The following LLGL2 variants were observed in gnomAD, a reference collection of about 807,000 sequenced individuals.
The protein encoded by LLGL2 is LLGL scribble cell polarity complex component 2.
A neutral mutation model predicts 123.2 loss-of-function variants in LLGL2; 81 were observed. That is an observed-to-expected ratio of 0.66 (90% CI 0.55 to 0.79). The LOEUF (loss-of-function observed/expected upper bound fraction) is 0.79. Ranked by LOEUF, LLGL2 falls within the 30% of genes least tolerant of loss-of-function variation. LLGL2 has a pLI of 0.00. For missense variants in LLGL2, 1,273 were observed against 1,414.6 expected, an observed-to-expected ratio of 0.90 and a Z score of 1.61; for synonymous variants, 577 against 594.1, an observed-to-expected ratio of 0.97 and a Z score of 0.42.
intron 1 of LLGL2, among the ~76,000 whole-genome samples, chr17:75,532,055 T>TACACACACACACACAC (rs10526094): frequency 0.057 from 5,319 of 93,494 alleles, 271 homozygotes; most frequent in Middle Eastern, 0.083. Context: ...TATGTATATA[T>TACACACACACACACAC]ACACACACAC....
rs988742283 is a variant in LLGL2, at chr17:75,570,081, G to A, written c.1700G>A (p.Arg567His). Residue 567 changes from arginine to histidine, a missense_variant, in exon 15 of 26, where the codon CGC becomes CAC. Physicochemically the swap from Arg to His is conservative, Grantham distance 29. Coordinates refer to ENST00000392550, the MANE Select transcript of LLGL2 (RefSeq NM_001031803.2). ...AAGGGGCACGAGCGCCTGGCAGCCC[G>A]CTCAGGGCCCGTGCGCTTTGAGCCT... is the stretch of plus-strand genomic sequence containing the variant. ...RWKGHERLAA[R>H]SGPVRFEPGF... 1.3e-5 allele frequency: 21 copies of A among 1,611,498 alleles called. No homozygotes were observed. Among genetic ancestry groups the A allele is most frequent in the South Asian group, 7.7e-5 (7 of 90,884 alleles).
intron 10 of LLGL2, among the ~76,000 whole-genome samples, chr17:75,565,913 G>A (rs1212288666): frequency 2.0e-5 from 3 of 152,200 alleles, no homozygotes; most frequent in Non-Finnish European, 4.4e-5. Context: ...AACAGATGAG[G>A]CCCCTGTTCC....
At chr17:75,542,225 T>C (rs2147190624) in intron 1 of LLGL2, among the ~76,000 whole-genome samples, 1 of 151,710 alleles carries the variant, frequency 6.6e-6, no homozygotes, top group Middle Eastern at 3.4e-3. Context: ...CCTTCAAACC[T>C]CAGCTTAGAT....
chr17:75,545,913 G>A (rs984946518), intron 2 of LLGL2, among the ~76,000 whole-genome samples: 5 of 152,134 alleles, frequency 3.3e-5, no homozygotes, highest in African/African-American at 9.7e-5. Flanking sequence ...GCTGTGCTGC[G>A]GAGGCTGTCC....
At chr17:75,571,138 T>TC in intron 17 of LLGL2, 38 bp downstream of exon 17, 3 of 747,422 alleles carry the variant, frequency 4.0e-6, no homozygotes, top group Non-Finnish European at 6.8e-6. Flanking sequence ...CAGGGGGTAG[T>TC]GGGCAGCAGA....
In LLGL2 at chr17:75,559,261, C is replaced by T. The variant is rs1478804851; in HGVS notation, c.381C>T (p.Pro127=). Residue 127 remains proline (P), a synonymous_variant, in exon 6 of 26, where the codon CCC becomes CCT. Transcript: ENST00000392550. This position sits in a 1 kb window ranked among gnomAD's most constrained non-coding sequence, Gnocchi z 4.6. ...FTLRGPPGAA[P]SATQITVVLP... is the part of the protein sequence containing the mutation. ...GCTGTTCTTGTCACAGGGCTGCCCCCAGTGCCACACAGATCACCGTGGTCC... is the reference window on the plus strand; with the variant it reads ...GCTGTTCTTGTCACAGGGCTGCCCCTAGTGCCACACAGATCACCGTGGTCC... The T allele has an allele frequency of 6.2e-7, 1 of 1,604,510 alleles. No homozygotes were observed. The highest frequency in any genetic ancestry group is 8.5e-7 in the Non-Finnish European group (1 of 1,175,844).
chr17:75,571,946 T>G lies in LLGL2; in HGVS notation c.2342T>G (p.Val781Gly). 1 of 1,612,726 alleles carries G rather than the reference T, an allele frequency of 6.2e-7. No individual in the cohort carries two copies. The highest frequency in any genetic ancestry group is 1.7e-5 in the Admixed American group (1 of 60,000). The change falls in exon 19 of 26, where the codon GTG (valine) becomes GGG (glycine). Residue 781 changes from valine to glycine, a missense_variant. By Grantham distance (109) the Val-to-Gly change is moderately radical. Coordinates refer to ENST00000392550, the MANE Select transcript of LLGL2 (RefSeq NM_001031803.2). Reference sequence around the variant, plus strand: ...CGGGCGCCGGTGGTGGGCATCCTGGTGCTCGACGGACACAGCGTACCCCTT... The same window carrying G: ...CGGGCGCCGGTGGTGGGCATCCTGGGGCTCGACGGACACAGCGTACCCCTT... Reference protein sequence around the residue: ...MHRAPVVGILVLDGHSVPLPE... With the variant: ...MHRAPVVGILGLDGHSVPLPE...
intron 1 of LLGL2, among the ~76,000 whole-genome samples, chr17:75,532,053 T>TACAC (rs750743324): frequency 0.018 from 1,283 of 70,322 alleles, 25 homozygotes; most frequent in African/African-American, 0.037. Context: ...TATATGTATA[T>TACAC]ATACACACAC....
At chr17:75,573,656 T>TTGCCCCC in intron 21 of LLGL2, 25 bp downstream of exon 21, 3 of 1,429,152 alleles carry the variant, frequency 2.1e-6, no homozygotes, top group Non-Finnish European at 2.8e-6. Context: ...CAGAGGCCTC[T>TTGCCCCC]CCCGCCCCTC....
At chr17:75,539,382 G>T (rs539238301) in intron 1 of LLGL2, among the ~76,000 whole-genome samples, 1 of 151,016 alleles carries the variant, frequency 6.6e-6, no homozygotes, top group Non-Finnish European at 1.5e-5. Flanking sequence ...AATTTTTATT[G>T]TTCCATGTAA....
intron 1 of LLGL2, among the ~76,000 whole-genome samples, chr17:75,537,460 G>A (rs1392937323): frequency 6.6e-6 from 1 of 152,080 alleles, no homozygotes; most frequent in African/African-American, 2.4e-5. Context: ...TTGTGGGGCC[G>A]AGGTGGGCAG....
At chr17:75,531,972 T>C (rs555242701) in intron 1 of LLGL2, among the ~76,000 whole-genome samples, 1 of 151,674 alleles carries the variant, frequency 6.6e-6, no homozygotes, top group Non-Finnish European at 1.5e-5. Flanking sequence ...TCGAGACACC[T>C]GACTTAGTGT....
At chr17:75,561,206 C>T (rs1479077155) in intron 6 of LLGL2, among the ~76,000 whole-genome samples, 1 of 127,756 alleles carries the variant, frequency 7.8e-6, no homozygotes, top group Non-Finnish European at 1.7e-5. Flanking sequence ...CCTTTAGTCT[C>T]ATAACTGTCT....
chr17:75,531,388 A>T (rs1255708223), intron 1 of LLGL2, among the ~76,000 whole-genome samples: 1 of 152,206 alleles, frequency 6.6e-6, no homozygotes, highest in Non-Finnish European at 1.5e-5. Context: ...CAGATGAGTC[A>T]AAAGCAGCTG....
Position 75,558,020 on chromosome 17 carries a change from T to A in LLGL2, c.174-135T>A, listed in dbSNP as rs1163984724. The A allele has an allele frequency of 2.4e-6, 2 of 844,492 alleles. No individual in the cohort carries two copies. The highest frequency in any genetic ancestry group is 4.1e-6 in the Non-Finnish European group (2 of 491,360). 52.3% of individuals were successfully genotyped at this position (844,492 alleles called of 1,614,324 possible). On this transcript the variant is annotated intron_variant, in intron 3 of 25. Coordinates refer to ENST00000392550, the MANE Select transcript of LLGL2 (RefSeq NM_001031803.2). This position sits in a 1 kb window ranked among gnomAD's most constrained non-coding sequence, Gnocchi z 4.0. The stretch of plus-strand genomic sequence containing the variant: ...TCCTCCCCACCCTAGGCTCCATGCA[T>A]GGGTCCTGCTGCCTCGGGGGAGGGC...
chr17:75,568,932 C>A (rs1416907009), intron 12 of LLGL2, 46 bp from the exon 13 acceptor site: 1 of 1,586,762 alleles, frequency 6.3e-7, no homozygotes. Flanking sequence ...CCTGGGCATC[C>A]CGGCTGGCAT....
intron 1 of LLGL2, among the ~76,000 whole-genome samples, chr17:75,530,543 G>T (rs1228864459): frequency 6.6e-6 from 1 of 151,912 alleles, no homozygotes; most frequent in African/African-American, 2.4e-5. Context: ...CCAGCTGCTC[G>T]GGAGGCTGAG....
At chr17:75,574,692 A>C (rs745341401) in intron 25 of LLGL2, 24 bp downstream of exon 25, 1 of 1,608,436 alleles carries the variant, frequency 6.2e-7, no homozygotes, top group South Asian at 1.1e-5. Context: ...GCTTGAGTGC[A>C]GCTGCCAACC....
chr17:75,530,359 G>A (rs1241468805), intron 1 of LLGL2, among the ~76,000 whole-genome samples: 5 of 152,086 alleles, frequency 3.3e-5, no homozygotes. Flanking sequence ...TAAAAAATTA[G>A]CTGGGCATCA....
Sources: allele counts gnomAD v4.1 joint callset (sites outside exome capture counted in the v4.1 genomes callset), GRCh38; gene constraint gnomAD v4.1.1; non-coding constraint Gnocchi (gnomAD v3.1); transcripts MANE v1.5; gene names NCBI Gene and HGNC (gene_info 2026-07-23, HGNC 2026-07-21).